Variants in MSRA observed in about 807,000 individuals in gnomAD.
The protein encoded by MSRA is mitochondrial peptide methionine sulfoxide reductase.
In MSRA, 54 loss-of-function variants were observed where a neutral mutation model predicts 31.3. The observed-to-expected ratio is 1.73, with a 90% CI of 1.39 to 2.17. The LOEUF (loss-of-function observed/expected upper bound fraction) is 2.17. MSRA is among the 30% of genes most tolerant of loss of function. The pLI is 0.00. For synonymous variants in MSRA, 169 were observed against 116.5 expected (o/e 1.45, Z -2.90); for missense variants, 507 against 300.9 (o/e 1.69, Z -5.07).
intron 3 of MSRA, among the ~76,000 whole-genome samples, chr8:10,256,272 T>A (rs1005773766): frequency 6.6e-6 from 1 of 152,204 alleles, no homozygotes; most frequent in Non-Finnish European, 1.5e-5. Flanking sequence ...GCACTTAAGT[T>A]TCCACCCTGT....
intron 1 of MSRA, among the ~76,000 whole-genome samples, chr8:10,190,282 G>T: frequency 6.6e-6 from 1 of 152,148 alleles, no homozygotes; most frequent in East Asian, 1.9e-4. Context: ...TCAGCCTGGT[G>T]GTAATGTTTC....
chr8:10,268,479 T>C (rs554674708), intron 3 of MSRA, among the ~76,000 whole-genome samples: 1 of 152,344 alleles, frequency 6.6e-6, no homozygotes, highest in South Asian at 2.1e-4. Flanking sequence ...CATTACATAT[T>C]TTCACAGCAC....
intron 1 of MSRA, among the ~76,000 whole-genome samples, chr8:10,095,092 C>T (rs1799062094): frequency 1.3e-5 from 2 of 152,214 alleles, no homozygotes. Context: ...TTTTAATCTG[C>T]ATGCCTCCGT....
At chr8:10,417,753 G>GTTGT (rs1808557096) in intron 5 of MSRA, among the ~76,000 whole-genome samples, 1 of 20,382 alleles carries the variant, frequency 4.9e-5, no homozygotes, top group African/African-American at 2.4e-4. Flanking sequence ...AAACCTGCAT[G>GTTGT]TTGTGTGTGT....
At chr8:10,109,503 C>G (rs1269842340) in intron 1 of MSRA, among the ~76,000 whole-genome samples, 1 of 151,868 alleles carries the variant, frequency 6.6e-6, no homozygotes, top group African/African-American at 2.4e-5. Context: ...CTACCACACT[C>G]AGCTAATTAT....
intron 4 of MSRA, among the ~76,000 whole-genome samples, chr8:10,311,171 C>G (rs1485194064): frequency 1.3e-5 from 2 of 152,100 alleles, no homozygotes; most frequent in East Asian, 3.9e-4. Flanking sequence ...GAATGGCAGG[C>G]TGAGTTATTC....
chr8:10,404,397 C>T (rs1454207185), intron 5 of MSRA, among the ~76,000 whole-genome samples: 3 of 152,242 alleles, frequency 2.0e-5, no homozygotes, highest in African/African-American at 2.4e-5. Flanking sequence ...GTGACGATCC[C>T]GTCACCACCC....
intron 5 of MSRA, among the ~76,000 whole-genome samples, chr8:10,424,830 C>T (rs1343687218): frequency 1.3e-5 from 2 of 152,224 alleles, no homozygotes; most frequent in East Asian, 1.9e-4. Context: ...GATCGCCAAG[C>T]CTGCAGGGCC....
intron 1 of MSRA, among the ~76,000 whole-genome samples, chr8:10,120,247 C>G (rs891933646): frequency 5.9e-5 from 9 of 152,198 alleles, no homozygotes; most frequent in African/African-American, 2.2e-4. Flanking sequence ...GAGTCGTACT[C>G]AGCCATGTTG....
intron 1 of MSRA, among the ~76,000 whole-genome samples, chr8:10,126,564 G>T (rs1801513105): frequency 6.6e-6 from 1 of 152,162 alleles, no homozygotes; most frequent in African/African-American, 2.4e-5. Flanking sequence ...CCAGGCTAGA[G>T]TGCAGTGGCA....
At chr8:10,330,196 A>C (rs1006280874) in intron 5 of MSRA, among the ~76,000 whole-genome samples, 1 of 104,014 alleles carries the variant, frequency 9.6e-6, no homozygotes, top group Non-Finnish European at 2.0e-5. Flanking sequence ...TATAAGAATT[A>C]AATGTGATAT....
intron 5 of MSRA, among the ~76,000 whole-genome samples, chr8:10,424,123 G>T (rs530391200): frequency 6.6e-6 from 1 of 152,358 alleles, no homozygotes; most frequent in Admixed American, 6.5e-5. Flanking sequence ...TTTCATAGAG[G>T]TGGGGACATT....
intron 5 of MSRA, among the ~76,000 whole-genome samples, chr8:10,412,685 T>C (rs4841332): frequency 1 from 152,007 of 152,336 alleles, 75,842 homozygotes; most frequent in Middle Eastern, 1. Context: ...AGGATGCCTT[T>C]GTATACAGAA....
intron 5 of MSRA, among the ~76,000 whole-genome samples, chr8:10,368,999 G>T (rs1178218670): frequency 1.3e-5 from 2 of 152,222 alleles, no homozygotes; most frequent in Non-Finnish European, 2.9e-5. Context: ...ACACCCGCAA[G>T]TGTGTTGAAA....
chr8:10,283,160 A>ACACACACACTCTCTCTCTCT, intron 3 of MSRA, among the ~76,000 whole-genome samples: 1 of 140,320 alleles, frequency 7.1e-6, no homozygotes, highest in African/African-American at 2.7e-5. Context: ...ACACACACAC[A>ACACACACACTCTCTCTCTCT]CTCTCACCCT....
intron 5 of MSRA, among the ~76,000 whole-genome samples, chr8:10,358,521 C>T (rs1161668945): frequency 7.1e-6 from 1 of 141,626 alleles, no homozygotes; most frequent in East Asian, 2.4e-4. Flanking sequence ...CTGGCATTAC[C>T]ACCTCAGCTC....
chr8:10,321,466 C>T, intron 5 of MSRA, among the ~76,000 whole-genome samples: 1 of 152,078 alleles, frequency 6.6e-6, no homozygotes. Context: ...CCCATTCCTT[C>T]CTTGGCCCCT....
chr8:10,354,750 G>GTATATATATATATATATATATA (rs754778002), intron 5 of MSRA, among the ~76,000 whole-genome samples: 2 of 138,402 alleles, frequency 1.4e-5, no homozygotes, highest in African/African-American at 2.8e-5. Flanking sequence ...GTGTGTGTGT[G>GTATATATATATATATATATATA]TATATATATA....
chr8:10,060,598 T>C (rs547586770), intron 1 of MSRA, among the ~76,000 whole-genome samples: 4 of 152,334 alleles, frequency 2.6e-5, no homozygotes, highest in Non-Finnish European at 5.9e-5. Flanking sequence ...TTTAGTCTAA[T>C]TGACCACCTT....
Sources: allele counts gnomAD v4.1 joint callset (sites outside exome capture counted in the v4.1 genomes callset), GRCh38; gene constraint gnomAD v4.1.1; transcripts MANE v1.5; gene names NCBI Gene and HGNC (gene_info 2026-07-23, HGNC 2026-07-21).